Variants in KCTD16 observed in about 807,000 individuals in gnomAD.
KCTD16 encodes the protein BTB/POZ domain-containing protein KCTD16.
KCTD16 carries 13 observed loss-of-function variants against 33.2 expected under a neutral mutation model. The observed-to-expected ratio is 0.39, with a 90% CI of 0.25 to 0.62. The LOEUF is 0.62. Ranked by LOEUF, KCTD16 falls within the 20% of genes least tolerant of loss-of-function variation. KCTD16 has a pLI of 0.50. For synonymous variants in KCTD16, 197 were observed against 195.3 expected (o/e 1.01, Z -0.07); for missense variants, 441 against 525.1 (o/e 0.84, Z 1.57).
chr5:144,299,687 G>T (rs1751371722), intron 3 of KCTD16, among the ~76,000 whole-genome samples: 1 of 151,638 alleles, frequency 6.6e-6, no homozygotes, highest in East Asian at 1.9e-4. Context: ...GGTAAGGTAG[G>T]GCATTATGTA....
rs529503031 is a variant in KCTD16 at position 144,260,746 on chromosome 5, T to C, written c.832+53200T>C. 5.1e-5 allele frequency among the ~76,000 whole-genome samples: 7 copies of C among 138,194 alleles called. No individual in the cohort carries two copies. In the South Asian group the frequency reaches 1.5e-3, roughly 30 times the overall value. The allele number at this position is 138,194 out of a possible 152,430, so 90.7% of individuals were successfully genotyped here. ...AAAAGATGGTTGCCTGTTTTTTTTG[T>C]TGTTGTTGTTGTTTGTTTTTTTAAA... On this transcript the variant is annotated intron_variant, in intron 3 of 3. Transcript: ENST00000512467.
intron 3 of KCTD16, among the ~76,000 whole-genome samples, chr5:144,240,649 A>C (rs1431514014): frequency 6.6e-6 from 1 of 152,092 alleles, no homozygotes; most frequent in Non-Finnish European, 1.5e-5. Context: ...CCCACATTGC[A>C]TTTAATCCTC....
intron 3 of KCTD16, among the ~76,000 whole-genome samples, chr5:144,240,660 A>G (rs1332185504): frequency 2.0e-5 from 3 of 152,056 alleles, no homozygotes; most frequent in Admixed American, 2.0e-4. Flanking sequence ...TTTAATCCTC[A>G]CGTCTCCTTA....
chr5:144,444,823 A>G (rs1050368556), intron 3 of KCTD16, among the ~76,000 whole-genome samples: 3 of 150,968 alleles, frequency 2.0e-5, no homozygotes, highest in Non-Finnish European at 4.4e-5. Flanking sequence ...TCTCCATAGT[A>G]TGCTCTTTCA....
intron 3 of KCTD16, among the ~76,000 whole-genome samples, chr5:144,281,290 T>C (rs1470531943): frequency 1.3e-5 from 2 of 152,250 alleles, no homozygotes; most frequent in South Asian, 2.1e-4. Context: ...ACTTCAGTTA[T>C]AGATTTGAGA....
At chr5:144,296,880 A>G (rs1157855506) in intron 3 of KCTD16, among the ~76,000 whole-genome samples, 1 of 152,226 alleles carries the variant, frequency 6.6e-6, no homozygotes, top group Non-Finnish European at 1.5e-5. Context: ...CTTGTGGATA[A>G]CTTAGAAGAA....
chr5:144,423,574 G>T (rs1753256739), intron 3 of KCTD16, among the ~76,000 whole-genome samples: 1 of 152,088 alleles, frequency 6.6e-6, no homozygotes, highest in African/African-American at 2.4e-5. Flanking sequence ...AGAGACCAGG[G>T]ATACTACTAA....
chr5:144,441,352 A>T (rs955816535), intron 3 of KCTD16, among the ~76,000 whole-genome samples: 1 of 152,126 alleles, frequency 6.6e-6, no homozygotes, highest in South Asian at 2.1e-4. Context: ...AAAGACAAAA[A>T]GATTTACTTT....
intron 3 of KCTD16, among the ~76,000 whole-genome samples, chr5:144,320,211 A>G (rs1752036799): frequency 6.6e-6 from 1 of 152,178 alleles, no homozygotes; most frequent in Non-Finnish European, 1.5e-5. Context: ...ATCTTTTAAA[A>G]TTTAACACTA....
chr5:144,456,163 T>A (rs1381616423), intron 3 of KCTD16, among the ~76,000 whole-genome samples: 1 of 151,586 alleles, frequency 6.6e-6, no homozygotes, highest in African/African-American at 2.4e-5. Flanking sequence ...TATAATTTAA[T>A]GTTCTTTAAT....
intron 3 of KCTD16, among the ~76,000 whole-genome samples, chr5:144,255,448 A>G (rs1415635966): frequency 6.6e-6 from 1 of 152,180 alleles, no homozygotes; most frequent in Non-Finnish European, 1.5e-5. Flanking sequence ...CAATCCTACC[A>G]ACAGTGTGCA....
At chr5:144,388,713 T>C (rs1752386080) in intron 3 of KCTD16, among the ~76,000 whole-genome samples, 1 of 152,198 alleles carries the variant, frequency 6.6e-6, no homozygotes, top group South Asian at 2.1e-4. Flanking sequence ...GCCCTGTTAC[T>C]CTTTGTCTTA....
intron 3 of KCTD16, among the ~76,000 whole-genome samples, chr5:144,275,161 G>A (rs1163420724): frequency 7.2e-5 from 11 of 152,086 alleles, no homozygotes; most frequent in Admixed American, 7.2e-4. Flanking sequence ...CTCCATAAAG[G>A]GGCTGAAGAT....
chr5:144,351,705 A>G (rs1206682687), intron 3 of KCTD16, among the ~76,000 whole-genome samples: 1 of 152,196 alleles, frequency 6.6e-6, no homozygotes, highest in Non-Finnish European at 1.5e-5. Context: ...TATATACACA[A>G]TGGAGTACTA....
intron 3 of KCTD16, among the ~76,000 whole-genome samples, chr5:144,233,525 T>C (rs1375706675): frequency 6.6e-6 from 1 of 152,160 alleles, no homozygotes; most frequent in Non-Finnish European, 1.5e-5. Context: ...CTCACAGTTC[T>C]TTTATTCCCC....
intron 3 of KCTD16, among the ~76,000 whole-genome samples, chr5:144,251,000 G>A (rs1754685281): frequency 6.6e-6 from 1 of 152,078 alleles, no homozygotes; most frequent in Non-Finnish European, 1.5e-5. Flanking sequence ...CTCTCGATAA[G>A]TAGCCACATT....
intron 3 of KCTD16, among the ~76,000 whole-genome samples, chr5:144,392,017 G>A (rs1297283495): frequency 6.6e-6 from 1 of 152,108 alleles, no homozygotes; most frequent in African/African-American, 2.4e-5. Flanking sequence ...GAGGAAGAAA[G>A]GTATTAGGTA....
intron 3 of KCTD16, among the ~76,000 whole-genome samples, chr5:144,297,066 T>TAATAGG (rs1458386060): frequency 6.6e-6 from 1 of 152,218 alleles, no homozygotes; most frequent in African/African-American, 2.4e-5. Flanking sequence ...GCTTTAAACG[T>TAATAGG]AATAGGAATG....
At chr5:144,451,504 A>G (rs1161769197) in intron 3 of KCTD16, among the ~76,000 whole-genome samples, 2 of 152,174 alleles carry the variant, frequency 1.3e-5, no homozygotes, top group Non-Finnish European at 2.9e-5. Flanking sequence ...ATGACAAGCC[A>G]GTGTTATAAC....
Sources: allele counts gnomAD v4.1 joint callset (sites outside exome capture counted in the v4.1 genomes callset), GRCh38; gene constraint gnomAD v4.1.1; transcripts MANE v1.5; gene names NCBI Gene and HGNC (gene_info 2026-07-23, HGNC 2026-07-21).